Variants in RNF128 observed in about 807,000 individuals in gnomAD.
RNF128 encodes E3 ubiquitin-protein ligase RNF128.
A neutral mutation model predicts 26.2 loss-of-function variants in RNF128; 13 were observed. The observed-to-expected ratio is 0.50, with a 90% CI of 0.32 to 0.79. The LOEUF is 0.79. RNF128 is among the 30% of genes least tolerant of loss of function. The pLI is 0.03. For synonymous variants in RNF128, 149 were observed against 142.5 expected, an observed-to-expected ratio of 1.05 and a Z score of -0.32; for missense variants, 315 against 349.7, an observed-to-expected ratio of 0.90 and a Z score of 0.79.
chrX:106,784,557 C>T (rs1930619199), intron 2 of RNF128, among the ~76,000 whole-genome samples: 1 of 111,262 alleles, frequency 9.0e-6, no homozygotes, highest in South Asian at 3.7e-4. Context: ...TTGGTACTAC[C>T]CTCATTTTAT....
intron 1 of RNF128, among the ~76,000 whole-genome samples, chrX:106,697,585 C>A (rs1222524889): frequency 8.9e-6 from 1 of 111,754 alleles, no homozygotes; most frequent in Non-Finnish European, 1.9e-5. Context: ...GCCTCCGCAT[C>A]CCTTATAGGT....
chrX:106,710,544 G>A (rs1226429754), intron 1 of RNF128, among the ~76,000 whole-genome samples: 1 of 110,628 alleles, frequency 9.0e-6, no homozygotes, highest in East Asian at 2.8e-4. Flanking sequence ...GATCACTTGA[G>A]GTCAGGGGTT....
intron 1 of RNF128, among the ~76,000 whole-genome samples, chrX:106,746,389 C>T (rs986162477): frequency 9.0e-6 from 1 of 110,531 alleles, no homozygotes; most frequent in African/African-American, 3.3e-5. Flanking sequence ...CATTTTAACA[C>T]GTTAATATTA....
At chrX:106,725,097 T>A (rs1402340005), upstream of RNF128, among the ~76,000 whole-genome samples, 1 of 112,132 alleles carries the variant, frequency 8.9e-6, no homozygotes, top group African/African-American at 3.2e-5. Flanking sequence ...GAATTTTGAA[T>A]GCTCTTCACC....
At chrX:106,748,150 T>C (rs1474367972) in intron 1 of RNF128, among the ~76,000 whole-genome samples, 1 of 112,334 alleles carries the variant, frequency 8.9e-6, no homozygotes. Flanking sequence ...CCAAAGGAAA[T>C]AGTTGTTACA....
At chrX:106,766,842 G>A (rs1043375267) in intron 1 of RNF128, among the ~76,000 whole-genome samples, 6 of 111,754 alleles carry the variant, frequency 5.4e-5, no homozygotes, top group African/African-American at 2.0e-4. Flanking sequence ...GATTTTTATG[G>A]TTTTAGGTCT....
chrX:106,777,847 G>A (rs1233314826), intron 2 of RNF128, among the ~76,000 whole-genome samples: 2 of 111,157 alleles, frequency 1.8e-5, no homozygotes, highest in Non-Finnish European at 3.8e-5. Flanking sequence ...GCATGTGCCT[G>A]TAGTCCCAGC....
chrX:106,734,307 G>T (rs1929551567), intron 1 of RNF128, among the ~76,000 whole-genome samples: 1 of 111,589 alleles, frequency 9.0e-6, no homozygotes, highest in African/African-American at 3.3e-5. Context: ...CTTAAACATG[G>T]TCTGATCTAA....
chrX:106,694,446 G>T, intron 1 of RNF128: 1 of 1,064,662 alleles, frequency 9.4e-7, no homozygotes, highest in Non-Finnish European at 1.3e-6. Context: ...GTTAATGTCC[G>T]TTTATCTTAG....
chrX:106,721,108 T>C (rs759591472), intron 1 of RNF128, among the ~76,000 whole-genome samples: 1 of 112,432 alleles, frequency 8.9e-6, no homozygotes, highest in East Asian at 2.8e-4. Context: ...GGAAGTATGC[T>C]GTTGGCATCA....
At chrX:106,758,098 A>G (rs1485709303) in intron 1 of RNF128, among the ~76,000 whole-genome samples, 1 of 112,783 alleles carries the variant, frequency 8.9e-6, no homozygotes, top group Non-Finnish European at 1.9e-5. Context: ...AGAATGCAAA[A>G]TCAACATATA....
At chrX:106,695,049 T>G (rs1350197471) in intron 1 of RNF128, among the ~76,000 whole-genome samples, 1 of 111,684 alleles carries the variant, frequency 9.0e-6, no homozygotes, top group Non-Finnish European at 1.9e-5. Context: ...GCTTCTTAAG[T>G]AAATAGAAAC....
intron 1 of RNF128, among the ~76,000 whole-genome samples, chrX:106,761,688 TC>T (rs1930122969): frequency 9.0e-6 from 1 of 111,178 alleles, no homozygotes. Context: ...AACTGTTCAT[TC>T]TGATCTTTCT....
intron 2 of RNF128, among the ~76,000 whole-genome samples, chrX:106,782,142 T>C (rs1217977128): frequency 8.9e-6 from 1 of 112,540 alleles, no homozygotes; most frequent in Non-Finnish European, 1.9e-5. Context: ...ATCAAGTAAA[T>C]ACCCTAGAGA....
rs758876274 is a variant in RNF128 at position 106,720,405 on chromosome X, G to A, written c.406+25997G>A. 9.2e-4 allele frequency among the ~76,000 whole-genome samples: 102 copies of A among 111,222 alleles called. 1 individual carries two copies. Among genetic ancestry groups the A allele is most frequent in the Non-Finnish European group, 1.2e-3 (65 of 53,065 alleles). ...TATTTTTTATGTTTTGTAGAGACAGGATCTCGCTATGTTGCCCAGGCTGGT... is the reference window on the plus strand; with the variant it reads ...TATTTTTTATGTTTTGTAGAGACAGAATCTCGCTATGTTGCCCAGGCTGGT... On this transcript the variant is annotated intron_variant, in intron 1 of 6. Coordinates refer to the RNF128 transcript ENST00000324342.
chrX:106,765,585 G>A (rs2147690101), intron 1 of RNF128, among the ~76,000 whole-genome samples: 1 of 111,761 alleles, frequency 8.9e-6, no homozygotes, highest in South Asian at 3.8e-4. Context: ...AGACCCATAA[G>A]GGATATTTGG....
At chrX:106,739,688 A>T (rs5962362) in intron 1 of RNF128, among the ~76,000 whole-genome samples, 15,412 of 111,405 alleles carry the variant, frequency 0.14, 2,617 homozygotes, top group African/African-American at 0.48. Context: ...ATAAGGACAT[A>T]AGTGAGACAG....
intron 1 of RNF128, among the ~76,000 whole-genome samples, chrX:106,720,494 A>G (rs749130379): frequency 9.0e-6 from 1 of 111,432 alleles, no homozygotes; most frequent in Non-Finnish European, 1.9e-5. Context: ...GATTACAGGC[A>G]TGAGCCACCA....
intron 1 of RNF128, among the ~76,000 whole-genome samples, chrX:106,702,725 T>G (rs751552070): frequency 3.7e-4 from 41 of 112,273 alleles, no homozygotes; most frequent in African/African-American, 1.3e-3. Flanking sequence ...AAAGATTTAC[T>G]TGTTGCACCT....
Sources: allele counts gnomAD v4.1 joint callset (sites outside exome capture counted in the v4.1 genomes callset), GRCh38; gene constraint gnomAD v4.1.1; transcripts MANE v1.5; gene names NCBI Gene and HGNC (gene_info 2026-07-23, HGNC 2026-07-21).